The following ASXL3 variants were observed in gnomAD, a reference collection of about 807,000 sequenced individuals.
ASXL3 encodes the protein putative Polycomb group protein ASXL3.
ASXL3 carries 34 observed loss-of-function variants against 170.6 expected under a neutral mutation model. The observed-to-expected ratio is 0.20, with a 90% CI of 0.15 to 0.27. The LOEUF is 0.27. Ranked by LOEUF, ASXL3 falls within the 10% of genes least tolerant of loss-of-function variation. ASXL3 has a pLI of 1.00. For missense variants in ASXL3, 2,592 were observed against 2,695.3 expected, an observed-to-expected ratio of 0.96 and a Z score of 0.85; for synonymous variants, 1,002 against 989.1, an observed-to-expected ratio of 1.01 and a Z score of -0.24.
rs941320706 is a variant in ASXL3 at position 33,750,336 on chromosome 18, A to G, written c.*3741A>G. On this transcript the variant is annotated 3_prime_UTR_variant, in exon 12 of 12. Transcript: ENST00000269197. ...TATAATTTAAAGGAGCTGCTTTTTT[A>G]TAGCACATACTATTTCGCTTTGTAC... 6.6e-6 allele frequency: 1 copy of G among 152,236 alleles called. No homozygotes were observed. The highest frequency in any genetic ancestry group is 1.5e-5 in the Non-Finnish European group (1 of 68,038). The allele number at this position is 152,236 out of a possible 1,614,324, so 9.4% of individuals were successfully genotyped here.
At chr18:33,719,962 GCACT>G (rs940836081) in intron 8 of ASXL3, among the ~76,000 whole-genome samples, 2 of 152,010 alleles carry the variant, frequency 1.3e-5, no homozygotes, top group Admixed American at 6.6e-5. Context: ...GTTGTTGAAA[GCACT>G]CAGTTAGTCT....
chr18:33,691,657 G>A (rs941334527), intron 8 of ASXL3, among the ~76,000 whole-genome samples: 7 of 152,170 alleles, frequency 4.6e-5, no homozygotes, highest in Non-Finnish European at 8.8e-5. Flanking sequence ...AGAGAGAGAT[G>A]TAAAAGCCTG....
chr18:33,607,749 G>A (rs912409845), intron 2 of ASXL3, 73 bp downstream of exon 2: 2 of 1,118,022 alleles, frequency 1.8e-6, no homozygotes, highest in South Asian at 1.4e-5. Flanking sequence ...AGCGATAGGT[G>A]TATCTAGATT....
At chr18:33,583,185 C>T (rs964479616) in intron 1 of ASXL3, among the ~76,000 whole-genome samples, 5 of 151,994 alleles carry the variant, frequency 3.3e-5, no homozygotes, top group African/African-American at 9.7e-5. Flanking sequence ...TAGGGGAGGG[C>T]GTGTGTACTG....
chr18:33,680,037 T>C (rs932123729), intron 7 of ASXL3, among the ~76,000 whole-genome samples: 5 of 152,038 alleles, frequency 3.3e-5, no homozygotes, highest in Non-Finnish European at 7.4e-5. Context: ...ATTCTTTAGT[T>C]CATTTATTAA....
chr18:33,714,189 C>T (rs963856964), intron 8 of ASXL3, among the ~76,000 whole-genome samples: 7 of 152,130 alleles, frequency 4.6e-5, no homozygotes, highest in South Asian at 2.1e-4. Context: ...TCCTGGATGT[C>T]GTCACTTTTT....
intron 1 of ASXL3, among the ~76,000 whole-genome samples, chr18:33,606,923 C>A (rs927261875): frequency 1.3e-5 from 2 of 151,910 alleles, no homozygotes; most frequent in Non-Finnish European, 2.9e-5. Context: ...GTATTCCACA[C>A]CCTTTGTTTA....
intron 8 of ASXL3, among the ~76,000 whole-genome samples, chr18:33,692,941 G>A (rs1319854334): frequency 6.6e-6 from 1 of 152,182 alleles, no homozygotes; most frequent in South Asian, 2.1e-4. Flanking sequence ...GAGGCTTGAA[G>A]TTTAAGATAA....
In ASXL3 at chr18:33,671,737, C is replaced by A. The variant is rs1423733277; in HGVS notation, c.596-10C>A. 1.3e-6 allele frequency: 2 copies of A among 1,592,146 alleles called. No individual in the cohort carries two copies. Among genetic ancestry groups the A allele is most frequent in the Non-Finnish European group, 1.7e-6 (2 of 1,169,018 alleles). Reference sequence around the variant, plus strand: ...GAAGATAATGACATAATAACTATTTCCTTTTTTAGGATCTGAATCTAAAAA... The same window carrying A: ...GAAGATAATGACATAATAACTATTTACTTTTTTAGGATCTGAATCTAAAAA... On this transcript the variant is annotated splice_polypyrimidine_tract_variant and intron_variant, in intron 6 of 11. Coordinates refer to ENST00000269197, the MANE Select transcript of ASXL3 (RefSeq NM_030632.3).
chr18:33,590,625 TTC>T (rs1183190448), intron 1 of ASXL3, among the ~76,000 whole-genome samples: 2 of 152,190 alleles, frequency 1.3e-5, no homozygotes. Context: ...CATTCATTAC[TTC>T]TGTTATTATT....
chr18:33,666,040 A>T (rs534230046), intron 5 of ASXL3, among the ~76,000 whole-genome samples: 1 of 152,176 alleles, frequency 6.6e-6, no homozygotes, highest in African/African-American at 2.4e-5. Flanking sequence ...TCATAACACC[A>T]TCGATATTGA....
At chr18:33,710,012 T>C (rs1341909504) in intron 8 of ASXL3, among the ~76,000 whole-genome samples, 2 of 152,086 alleles carry the variant, frequency 1.3e-5, no homozygotes, top group Admixed American at 1.3e-4. Flanking sequence ...TCCCAGCACT[T>C]TGGGAGGCTG....
At chr18:33,650,007 A>T (rs1185257214) in intron 4 of ASXL3, among the ~76,000 whole-genome samples, 3 of 152,042 alleles carry the variant, frequency 2.0e-5, no homozygotes, top group Non-Finnish European at 2.9e-5. Flanking sequence ...GCACCCCTCC[A>T]TTTGCCCAAC....
intron 1 of ASXL3, among the ~76,000 whole-genome samples, chr18:33,583,763 T>C (rs189380669): frequency 6.6e-5 from 10 of 152,318 alleles, no homozygotes; most frequent in Non-Finnish European, 2.9e-5. Flanking sequence ...GAGTTGTACC[T>C]GGAAGGGAAT....
At chr18:33,724,740 A>C (rs2067319030) in intron 8 of ASXL3, among the ~76,000 whole-genome samples, 1 of 152,156 alleles carries the variant, frequency 6.6e-6, no homozygotes, top group Admixed American at 6.6e-5. Flanking sequence ...TATTGTATGG[A>C]AGACTGCATT....
intron 8 of ASXL3, among the ~76,000 whole-genome samples, chr18:33,721,813 A>G (rs758545659): frequency 1.3e-5 from 2 of 152,078 alleles, no homozygotes; most frequent in African/African-American, 4.8e-5. Context: ...TTATAAATTG[A>G]AAGTTGGAGG....
chr18:33,648,809 T>C (rs1478935935), intron 4 of ASXL3, among the ~76,000 whole-genome samples: 1 of 152,118 alleles, frequency 6.6e-6, no homozygotes, highest in Non-Finnish European at 1.5e-5. Flanking sequence ...TTTTCTGTCC[T>C]GGAAACCATA....
At chr18:33,588,539 C>T (rs1017013712) in intron 1 of ASXL3, among the ~76,000 whole-genome samples, 16 of 152,008 alleles carry the variant, frequency 1.1e-4, no homozygotes, top group African/African-American at 3.6e-4. Flanking sequence ...GTAATAGTCA[C>T]CACCATGACT....
intron 4 of ASXL3, among the ~76,000 whole-genome samples, chr18:33,657,138 G>A (rs892026495): frequency 6.6e-6 from 1 of 152,080 alleles, no homozygotes; most frequent in African/African-American, 2.4e-5. Context: ...GGAGGAGCAA[G>A]TCTACCTCAG....
Sources: gnomAD v4.1 joint callset for allele counts (sites outside exome capture counted in the v4.1 genomes callset) on GRCh38, gnomAD v4.1.1 for gene constraint, MANE v1.5 for transcripts, NCBI Gene and HGNC (gene_info 2026-07-23, HGNC 2026-07-21) for gene names.